TMEM62: variants seen among roughly 807,000 people sequenced by gnomAD.
TMEM62 encodes transmembrane protein 62.
In TMEM62, 41 loss-of-function variants were observed where a neutral mutation model predicts 70.4. The observed-to-expected ratio is 0.58, with a 90% CI of 0.45 to 0.76. The LOEUF (loss-of-function observed/expected upper bound fraction) is 0.76. Among genes scored for constraint, TMEM62 ranks in the 30% least tolerant of loss-of-function variants. TMEM62 has a pLI of 0.00. For synonymous variants in TMEM62, 268 were observed against 291.0 expected (o/e 0.92, Z 0.80); for missense variants, 688 against 788.5 (o/e 0.87, Z 1.53).
At position 43,133,748 on chromosome 15, in the gene TMEM62, C is replaced by T; in HGVS notation, c.-55C>T. The T allele has an allele frequency of 8.1e-7, 1 of 1,230,032 alleles. No homozygotes were observed. The highest frequency in any genetic ancestry group is 1.0e-6 in the Non-Finnish European group (1 of 969,038). The allele number at this position is 1,230,032 out of a possible 1,614,324, so 76.2% of individuals were successfully genotyped here. ...GTGCAGGCAAAGCGGCTCCCGGGAG[C>T]GCCGCGCGGTCCTGCGCGGGATCAG... is the stretch of plus-strand genomic sequence containing the variant. On this transcript the variant is annotated 5_prime_UTR_variant, in exon 1 of 14. Coordinates refer to ENST00000260403, the MANE Select transcript of TMEM62 (RefSeq NM_024956.4).
chr15:43,135,650 G>C lies in TMEM62; in HGVS notation c.430+1G>C, dbSNP rs1403042241. 2.5e-6 allele frequency: 4 copies of C among 1,590,376 alleles called. No homozygotes were observed. Among genetic ancestry groups the C allele is most frequent in the Non-Finnish European group, 3.4e-6 (4 of 1,173,902 alleles). ...TGGCTGGATATCAAAGGAAATCATG[G>C]TAAGAGCCAAGAGCCAGATACAATA... is the stretch of plus-strand genomic sequence containing the variant. On this transcript the variant is annotated splice_donor_variant, in intron 3 of 13. Coordinates refer to ENST00000260403, the MANE Select transcript of TMEM62 (RefSeq NM_024956.4). LOFTEE classifies it high-confidence loss of function.
intron 4 of TMEM62, among the ~76,000 whole-genome samples, chr15:43,142,534 C>G (rs181125262): frequency 2.6e-5 from 4 of 151,972 alleles, no homozygotes; most frequent in African/African-American, 9.7e-5. Context: ...AAGAAATTAC[C>G]ACAGCCACCC....
In TMEM62 at chr15:43,156,119, TAA is replaced by T. The variant is rs2038019147; in HGVS notation, c.1182+1289_1182+1290del. Reference sequence around the variant, plus strand: ...TGTTAACTATTTAATCTTCTAATATTAAGACTTAATTTGAAACACTAAATAAT... The same window carrying T: ...TGTTAACTATTTAATCTTCTAATATTGACTTAATTTGAAACACTAAATAAT... On this transcript the variant is annotated intron_variant, in intron 9 of 13. Coordinates refer to ENST00000260403, the MANE Select transcript of TMEM62 (RefSeq NM_024956.4). Among the ~76,000 whole-genome samples, 7 of 152,340 alleles carry T rather than the reference TAA, an allele frequency of 4.6e-5. 2 individuals are homozygous for T. In the South Asian group the frequency reaches 1.4e-3, roughly 32 times the overall value.
intron 5 of TMEM62, among the ~76,000 whole-genome samples, chr15:43,147,945 A>G (rs970447299): frequency 6.6e-6 from 1 of 152,248 alleles, no homozygotes; most frequent in African/African-American, 2.4e-5. Context: ...TTACATAGGT[A>G]CCAGTTATTT....
intron 10 of TMEM62, among the ~76,000 whole-genome samples, chr15:43,162,394 A>C (rs1332205528): frequency 1.4e-5 from 2 of 146,028 alleles, no homozygotes; most frequent in East Asian, 4.0e-4. Context: ...CCGCCTCCCA[A>C]AGTGCTGGGA....
At chr15:43,177,469 A>C (rs907890422) in intron 11 of TMEM62, among the ~76,000 whole-genome samples, 1 of 152,112 alleles carries the variant, frequency 6.6e-6, no homozygotes, top group African/African-American at 2.4e-5. Context: ...TAGAACTAGA[A>C]ATACCATTTG....
chr15:43,145,435 G>C (rs1394896535), intron 4 of TMEM62, among the ~76,000 whole-genome samples: 1 of 152,006 alleles, frequency 6.6e-6, no homozygotes, highest in African/African-American at 2.4e-5. Context: ...TCGATCTCCT[G>C]ACCTCGTGAT....
chr15:43,170,505 A>T (rs1016946501), intron 11 of TMEM62, among the ~76,000 whole-genome samples: 3 of 152,270 alleles, frequency 2.0e-5, no homozygotes, highest in African/African-American at 7.2e-5. Context: ...AAAAGACTTC[A>T]TAAACAATGC....
At chr15:43,148,513 T>G (rs2036948559) in intron 5 of TMEM62, among the ~76,000 whole-genome samples, 1 of 152,220 alleles carries the variant, frequency 6.6e-6, no homozygotes, top group African/African-American at 2.4e-5. Flanking sequence ...TCCTTATCTA[T>G]TAAAAGAGGA....
intron 11 of TMEM62, among the ~76,000 whole-genome samples, chr15:43,177,652 C>G (rs1281450192): frequency 6.6e-6 from 1 of 152,016 alleles, no homozygotes; most frequent in Non-Finnish European, 1.5e-5. Flanking sequence ...ACATATACAC[C>G]ATGGAATACT....
At chr15:43,167,168 A>AC (rs1157989836) in intron 10 of TMEM62, among the ~76,000 whole-genome samples, 10 of 140,758 alleles carry the variant, frequency 7.1e-5, no homozygotes, top group African/African-American at 1.6e-4. Context: ...CGGGGGGCTG[A>AC]CCCCCCCACC....
At chr15:43,134,029 C>T (rs561750039) in intron 1 of TMEM62, 47 bp downstream of exon 1, 3 of 1,436,774 alleles carry the variant, frequency 2.1e-6, no homozygotes, top group Admixed American at 2.8e-5. Context: ...AGATCGGGCA[C>T]CGTGCGGTGG....
At chr15:43,168,732 G>A (rs1208345134) in intron 10 of TMEM62, among the ~76,000 whole-genome samples, 1 of 152,172 alleles carries the variant, frequency 6.6e-6, no homozygotes, top group Non-Finnish European at 1.5e-5. Context: ...TGTCTCACTG[G>A]GTCTTGTGCA....
At chr15:43,175,830 C>T (rs147128164) in intron 11 of TMEM62, among the ~76,000 whole-genome samples, 46 of 152,246 alleles carry the variant, frequency 3.0e-4, no homozygotes, top group Non-Finnish European at 4.1e-4. Context: ...AGACAGTGGG[C>T]GCAGGACAGT....
At chr15:43,169,492 C>A in intron 10 of TMEM62, 101 bp from the exon 11 acceptor site, 1 of 983,354 alleles carries the variant, frequency 1.0e-6, no homozygotes, top group South Asian at 1.4e-5. Flanking sequence ...ATCACAGTAT[C>A]ACAGATGCCA....
chr15:43,149,728 G>A (rs1288948663), intron 7 of TMEM62, among the ~76,000 whole-genome samples: 2 of 152,014 alleles, frequency 1.3e-5, no homozygotes, highest in African/African-American at 2.4e-5. Flanking sequence ...GGCCCAAACT[G>A]CCTTTTTTAA....
At chr15:43,168,038 C>G (rs1198838010) in intron 10 of TMEM62, among the ~76,000 whole-genome samples, 2 of 152,044 alleles carry the variant, frequency 1.3e-5, no homozygotes, top group Non-Finnish European at 2.9e-5. Context: ...GCAGGAGACT[C>G]AGGCCGGGAG....
At position 43,184,415 on chromosome 15, in the gene TMEM62, T is replaced by C. The variant is rs777967528; in HGVS notation, c.1761T>C (p.Val587=). Reference sequence around the variant, plus strand: ...TGCTACTGCTGTACATCTGGCAGGTTTATTCCTGCTACTTTCTTTATGCAA... The same window carrying C: ...TGCTACTGCTGTACATCTGGCAGGTCTATTCCTGCTACTTTCTTTATGCAA... ...LLMLLLYIWQ[V]YSCYFLYATY... The change falls in exon 14 of 14, where the codon GTT becomes GTC. Residue 587 remains valine, a synonymous_variant. Coordinates refer to ENST00000260403, the MANE Select transcript of TMEM62 (RefSeq NM_024956.4). The C allele has an allele frequency of 1.9e-6, 3 of 1,614,108 alleles. No homozygotes were observed. The highest frequency in any genetic ancestry group is 3.3e-5 in the Admixed American group (2 of 60,016).
At chr15:43,154,584 A>G (rs1403935781) in intron 8 of TMEM62, 88 bp from the exon 9 acceptor site, 4 of 1,198,250 alleles carry the variant, frequency 3.3e-6, no homozygotes. Flanking sequence ...CTATACGTGT[A>G]TATCTGCAAG....
Sources: allele counts gnomAD v4.1 joint callset (sites outside exome capture counted in the v4.1 genomes callset), GRCh38; gene constraint gnomAD v4.1.1; transcripts MANE v1.5; gene names NCBI Gene and HGNC (gene_info 2026-07-23, HGNC 2026-07-21).